Variants in TIAM1 observed in about 807,000 individuals in gnomAD.
TIAM1 encodes the protein rho guanine nucleotide exchange factor TIAM1.
In TIAM1, 65 loss-of-function variants were observed where a neutral mutation model predicts 163.5. That is an observed-to-expected ratio of 0.40 (90% confidence interval 0.33 to 0.49). The LOEUF (loss-of-function observed/expected upper bound fraction) is 0.49. Among genes scored for constraint, TIAM1 ranks in the 20% least tolerant of loss-of-function variants. TIAM1 has a pLI of 0.77. For missense variants in TIAM1, 1,789 were observed against 2,044.7 expected, an observed-to-expected ratio of 0.87 and a Z score of 2.41; for synonymous variants, 833 against 810.1, an observed-to-expected ratio of 1.03 and a Z score of -0.48.
At chr21:31,165,834 T>C (rs1281487643) in intron 15 of TIAM1, among the ~76,000 whole-genome samples, 1 of 152,234 alleles carries the variant, frequency 6.6e-6, no homozygotes, top group African/African-American at 2.4e-5. Flanking sequence ...ATCCATTACC[T>C]GAAAAATCCT....
chr21:31,328,091 C>T (rs1162074524), intron 2 of TIAM1, among the ~76,000 whole-genome samples: 1 of 152,108 alleles, frequency 6.6e-6, no homozygotes, highest in African/African-American at 2.4e-5. Context: ...ACAGGGCTCG[C>T]TTCCTCAACC....
intron 9 of TIAM1, among the ~76,000 whole-genome samples, chr21:31,215,317 G>A (rs190818650): frequency 1.3e-5 from 2 of 152,130 alleles, no homozygotes; most frequent in African/African-American, 4.8e-5. Context: ...TGGGCCAGGC[G>A]CAGTGGCTCA....
At chr21:31,511,498 G>A (rs1334859096) in intron 1 of TIAM1, among the ~76,000 whole-genome samples, 1 of 152,128 alleles carries the variant, frequency 6.6e-6, no homozygotes. Context: ...TTCCTCATCT[G>A]TAAAAAGGGC....
intron 1 of TIAM1, among the ~76,000 whole-genome samples, chr21:31,467,209 G>A (rs1386816373): frequency 6.6e-6 from 1 of 152,270 alleles, no homozygotes; most frequent in Non-Finnish European, 1.5e-5. Flanking sequence ...GCACATGCCT[G>A]TTGCCCTGGC....
intron 1 of TIAM1, among the ~76,000 whole-genome samples, chr21:31,511,050 G>A (rs1175495318): frequency 6.6e-6 from 1 of 152,200 alleles, no homozygotes; most frequent in Non-Finnish European, 1.5e-5. Context: ...AATGCCATAG[G>A]TTGCTGGGAA....
At chr21:31,205,321 T>C (rs2086394392) in intron 11 of TIAM1, among the ~76,000 whole-genome samples, 1 of 152,136 alleles carries the variant, frequency 6.6e-6, no homozygotes, top group Non-Finnish European at 1.5e-5. Flanking sequence ...GGGTTCTTAG[T>C]AACAGGAACA....
At chr21:31,505,346 TA>T (rs1169992795) in intron 1 of TIAM1, among the ~76,000 whole-genome samples, 1 of 151,994 alleles carries the variant, frequency 6.6e-6, no homozygotes, top group Non-Finnish European at 1.5e-5. Flanking sequence ...CCAAGAAGTA[TA>T]AATGTTAAAA....
At chr21:31,325,973 G>A (rs1385838195) in intron 2 of TIAM1, among the ~76,000 whole-genome samples, 1 of 152,150 alleles carries the variant, frequency 6.6e-6, no homozygotes, top group Non-Finnish European at 1.5e-5. Context: ...TAAAATTGAA[G>A]AAGAGCATCC....
At chr21:31,280,451 G>A (rs917612357) in intron 2 of TIAM1, among the ~76,000 whole-genome samples, 22 of 152,196 alleles carry the variant, frequency 1.4e-4, no homozygotes, top group Non-Finnish European at 2.1e-4. Flanking sequence ...ACGTGGAACT[G>A]TGAGTCCAAT....
At chr21:31,269,090 G>A (rs562411520) in intron 3 of TIAM1, among the ~76,000 whole-genome samples, 39 of 152,130 alleles carry the variant, frequency 2.6e-4, no homozygotes, top group Admixed American at 3.9e-4. Context: ...TATATCAAAA[G>A]TTTGCAAACA....
chr21:31,384,592 A>C (rs533135491), intron 2 of TIAM1, among the ~76,000 whole-genome samples: 7 of 152,122 alleles, frequency 4.6e-5, no homozygotes, highest in East Asian at 1.9e-4. Flanking sequence ...CAAAAGAAAG[A>C]AAGCTTTCCC....
intron 1 of TIAM1, among the ~76,000 whole-genome samples, chr21:31,509,669 T>A (rs2047147401): frequency 6.6e-6 from 1 of 152,186 alleles, no homozygotes; most frequent in South Asian, 2.1e-4. Context: ...GTTAAGACAG[T>A]TCCAATGCCC....
chr21:31,451,069 A>AG (rs1217943225), intron 2 of TIAM1, among the ~76,000 whole-genome samples: 7 of 151,722 alleles, frequency 4.6e-5, no homozygotes, highest in African/African-American at 1.7e-4. Flanking sequence ...CTCAGAGGAA[A>AG]AAAAAAAAAA....
chr21:31,536,198 T>C (rs2048129415), intron 1 of TIAM1, among the ~76,000 whole-genome samples: 1 of 152,046 alleles, frequency 6.6e-6, no homozygotes, highest in South Asian at 2.1e-4. Context: ...CCCTATGAAA[T>C]AGGTTCTATT....
chr21:31,128,911 G>A (rs1442750762), intron 25 of TIAM1, among the ~76,000 whole-genome samples: 1 of 152,156 alleles, frequency 6.6e-6, no homozygotes, highest in Admixed American at 6.5e-5. Flanking sequence ...GTTGGACTAG[G>A]GTGGGTTGGT....
At position 31,141,428 on chromosome 21, in the gene TIAM1, C is replaced by A; in HGVS notation, c.3552G>T (p.Ser1184=). ...TCCTCTGGATGGGCTTGATGAGGTA[C>A]GACTCCAGCGTGGATGAGTGCTGCT... ...PKQQHSSTLE[S]YLIKPIQRIL... Residue 1184 remains serine (S), a synonymous_variant, in exon 21 of 28, where the codon TCG becomes TCT. Coordinates refer to ENST00000541036, the MANE Select transcript of TIAM1 (RefSeq NM_001353694.2). This position sits in a 1 kb window ranked among gnomAD's most constrained non-coding sequence, Gnocchi z 4.7. The A allele has an allele frequency of 1.2e-6, 2 of 1,614,190 alleles. No homozygotes were observed. Among genetic ancestry groups the A allele is most frequent in the Non-Finnish European group, 1.7e-6 (2 of 1,180,052 alleles).
chr21:31,336,907 C>A (rs981109241), intron 2 of TIAM1, among the ~76,000 whole-genome samples: 1 of 152,114 alleles, frequency 6.6e-6, no homozygotes, highest in Admixed American at 6.5e-5. Flanking sequence ...CTGACTCTGG[C>A]GGGCTGTGTG....
intron 1 of TIAM1, among the ~76,000 whole-genome samples, chr21:31,554,025 T>G (rs2048785067): frequency 6.6e-6 from 1 of 152,158 alleles, no homozygotes; most frequent in Admixed American, 6.5e-5. Flanking sequence ...GATTGACCTA[T>G]GTTTACAAGG....
Position 31,120,247 on chromosome 21 carries a change from T to C in TIAM1, c.*121A>G. 2 of 1,013,256 alleles carry C rather than the reference T, an allele frequency of 2.0e-6. No homozygotes were observed. Among genetic ancestry groups the C allele is most frequent in the Non-Finnish European group, 2.8e-6 (2 of 708,908 alleles). 62.8% of individuals were successfully genotyped at this position (1,013,256 alleles called of 1,614,324 possible). On this transcript the variant is annotated 3_prime_UTR_variant, in exon 28 of 28. Transcript: ENST00000541036. This position sits in a 1 kb window ranked among gnomAD's most constrained non-coding sequence, Gnocchi z 4.2. Reference sequence around the variant, plus strand: ...TACATGGCTTCAGAACCAAGTCAGCTGCCAAAACCGTGTGTGCAAGAGCGC... The same window carrying C: ...TACATGGCTTCAGAACCAAGTCAGCCGCCAAAACCGTGTGTGCAAGAGCGC...
Sources: gnomAD v4.1 joint callset for allele counts (sites outside exome capture counted in the v4.1 genomes callset) on GRCh38, gnomAD v4.1.1 for gene constraint, Gnocchi (gnomAD v3.1) non-coding constraint, MANE v1.5 for transcripts, NCBI Gene and HGNC (gene_info 2026-07-23, HGNC 2026-07-21) for gene names.